MSH3: variants seen among roughly 807,000 people sequenced by gnomAD.
The protein encoded by MSH3 is mutS homolog 3, also known as DNA mismatch repair protein Msh3.
MSH3 carries 106 observed loss-of-function variants against 123.3 expected under a neutral mutation model. The observed-to-expected ratio is 0.86, with a 90% CI of 0.73 to 1.01. The LOEUF (loss-of-function observed/expected upper bound fraction) is 1.01. MSH3 is among the 50% of genes least tolerant of loss of function. The pLI is 0.00. For synonymous variants in MSH3, 515 were observed against 481.4 expected (o/e 1.07, Z -0.91); for missense variants, 1,459 against 1,347.6 (o/e 1.08, Z -1.29).
intron 15 of MSH3, among the ~76,000 whole-genome samples, chr5:80,773,673 C>T (rs1744250411): frequency 6.6e-6 from 1 of 152,192 alleles, no homozygotes; most frequent in African/African-American, 2.4e-5. Flanking sequence ...ATAGCTCTCT[C>T]AAGATGACAA....
intron 8 of MSH3, among the ~76,000 whole-genome samples, chr5:80,707,250 G>A (rs1360410802): frequency 6.6e-6 from 1 of 152,184 alleles, no homozygotes; most frequent in Non-Finnish European, 1.5e-5. Flanking sequence ...TGCATCATAT[G>A]CATATACCAA....
At chr5:80,676,060 C>T (rs6151656) in intron 7 of MSH3, among the ~76,000 whole-genome samples, 1,806 of 152,210 alleles carry the variant, frequency 0.012, 14 homozygotes, top group South Asian at 0.045. Context: ...GACGGAGTTT[C>T]ACCCTTGTCA....
At chr5:80,691,988 T>C (rs1750277261) in intron 8 of MSH3, among the ~76,000 whole-genome samples, 1 of 90,330 alleles carries the variant, frequency 1.1e-5, no homozygotes, top group Non-Finnish European at 2.5e-5. Flanking sequence ...TAAACATGTA[T>C]ATGTTTAGAT....
chr5:80,843,813 T>C (rs1745669852), intron 20 of MSH3, among the ~76,000 whole-genome samples: 1 of 152,098 alleles, frequency 6.6e-6, no homozygotes, highest in Non-Finnish European at 1.5e-5. Flanking sequence ...TTATTAGTCT[T>C]GCTAGCAGTC....
rs748590175 is a variant in MSH3 at position 80,833,474 on chromosome 5, C to T, written c.2813+19733C>T. Among the ~76,000 whole-genome samples, 7 of 152,242 alleles carry T rather than the reference C, an allele frequency of 4.6e-5. No homozygotes were observed. In the East Asian group the frequency reaches 9.6e-4, roughly 21 times the overall value. ...GTTTTTTTGTTTTGAGATGGAGTCTCGCTCTGTCGCCAGGCTGGAGTGCAG... is the reference window on the plus strand; with the variant it reads ...GTTTTTTTGTTTTGAGATGGAGTCTTGCTCTGTCGCCAGGCTGGAGTGCAG... On this transcript the variant is annotated intron_variant, in intron 20 of 23. Coordinates refer to ENST00000265081, the MANE Select transcript of MSH3 (RefSeq NM_002439.5).
At position 80,816,963 on chromosome 5, in the gene MSH3, G is replaced by T. The variant is rs564955404; in HGVS notation, c.2813+3222G>T. ...TAGTAGGCAGTGGATATAAAGTTTA[G>T]ATTTCAGACAGAGAGATCAAAGGTA... On this transcript the variant is annotated intron_variant, in intron 20 of 23. Coordinates refer to ENST00000265081, the MANE Select transcript of MSH3 (RefSeq NM_002439.5). 5.9e-5 allele frequency among the ~76,000 whole-genome samples: 9 copies of T among 152,306 alleles called. No homozygotes were observed. The South Asian group carries it at 1.9e-3, about 32-fold the overall frequency.
intron 2 of MSH3, among the ~76,000 whole-genome samples, chr5:80,657,478 T>C (rs1022389014): frequency 1.3e-5 from 2 of 152,034 alleles, no homozygotes; most frequent in African/African-American, 4.8e-5. Context: ...CAAAAATAAA[T>C]AAAAACCCAG....
intron 21 of MSH3, among the ~76,000 whole-genome samples, chr5:80,858,025 T>C (rs1375914883): frequency 1.3e-5 from 2 of 152,122 alleles, no homozygotes; most frequent in East Asian, 3.9e-4. Flanking sequence ...TAAATTTTCT[T>C]TTTTTATTCT....
chr5:80,703,724 T>A (rs1243015003), intron 8 of MSH3, among the ~76,000 whole-genome samples: 2 of 152,166 alleles, frequency 1.3e-5, no homozygotes, highest in Non-Finnish European at 2.9e-5. Context: ...GGAATGTGTT[T>A]TTATTCACTC....
intron 21 of MSH3, among the ~76,000 whole-genome samples, chr5:80,862,473 T>C (rs1221560911): frequency 1.3e-5 from 2 of 152,124 alleles, no homozygotes; most frequent in Non-Finnish European, 2.9e-5. Context: ...AAAGAATCCA[T>C]GAGACTGGGT....
intron 12 of MSH3, among the ~76,000 whole-genome samples, chr5:80,749,554 G>T (rs1266602066): frequency 6.6e-6 from 1 of 152,012 alleles, no homozygotes. Context: ...ATACACCCAG[G>T]AACAATACTT....
chr5:80,804,546 T>G, intron 19 of MSH3, among the ~76,000 whole-genome samples: 1 of 152,252 alleles, frequency 6.6e-6, no homozygotes, highest in East Asian at 1.9e-4. Context: ...GTTACCACCT[T>G]GGTGGTCTTG....
At chr5:80,751,964 T>C (rs1372282606) in intron 12 of MSH3, among the ~76,000 whole-genome samples, 2 of 152,120 alleles carry the variant, frequency 1.3e-5, no homozygotes, top group Non-Finnish European at 2.9e-5. Context: ...TGTGAGGTTG[T>C]AAATAACCAT....
chr5:80,829,970 C>A (rs1745390930), intron 20 of MSH3, among the ~76,000 whole-genome samples: 1 of 152,062 alleles, frequency 6.6e-6, no homozygotes, highest in Non-Finnish European at 1.5e-5. Flanking sequence ...CAGATTGTAT[C>A]TTTCAAGGAA....
chr5:80,688,744 A>T (rs1750153492), intron 8 of MSH3, among the ~76,000 whole-genome samples: 1 of 148,114 alleles, frequency 6.8e-6, no homozygotes, highest in African/African-American at 2.5e-5. Context: ...AAAGGTTTCA[A>T]TTTTTTTTTT....
rs1043139375 is a variant in MSH3, at chr5:80,875,816, C to G, written c.3368C>G (p.Thr1123Arg). 3.0e-5 allele frequency: 49 copies of G among 1,613,590 alleles called. No individual in the cohort carries two copies. The highest frequency in any genetic ancestry group is 4.0e-5 in the Non-Finnish European group (47 of 1,179,678). Residue 1123 changes from threonine (T) to arginine (R), a missense_variant, in exon 24 of 24, where the codon ACA becomes AGA. By Grantham distance (71) the Thr-to-Arg change is moderately conservative. Coordinates refer to ENST00000265081, the MANE Select transcript of MSH3 (RefSeq NM_002439.5). ...MHNAQDLQKW[T>R]EEFNMEETQT... ...AATGCACAAGACCTGCAGAAGTGGA[C>G]AGAGGAGTTCAACATGGAAGAAACA...
At chr5:80,810,050 G>A (rs1400453645) in intron 19 of MSH3, among the ~76,000 whole-genome samples, 2 of 151,530 alleles carry the variant, frequency 1.3e-5, no homozygotes, top group African/African-American at 4.8e-5. Context: ...ATACAGCTAA[G>A]GTCATACGTA....
At chr5:80,870,028 G>A (rs369446263) in intron 22 of MSH3, among the ~76,000 whole-genome samples, 118 of 151,482 alleles carry the variant, frequency 7.8e-4, no homozygotes, top group African/African-American at 2.8e-3. Flanking sequence ...ACAAAAAGTA[G>A]CCGGGCATGG....
intron 12 of MSH3, among the ~76,000 whole-genome samples, chr5:80,760,874 C>T (rs185776883): frequency 3.2e-4 from 48 of 152,222 alleles, no homozygotes; most frequent in African/African-American, 1.0e-3. Context: ...TTACATCATT[C>T]CCACCCATGC....
Sources: gnomAD v4.1 joint callset for allele counts (sites outside exome capture counted in the v4.1 genomes callset) on GRCh38, gnomAD v4.1.1 for gene constraint, MANE v1.5 for transcripts, NCBI Gene and HGNC (gene_info 2026-07-23, HGNC 2026-07-21) for gene names.